The following WDR33 variants were observed in gnomAD, a reference collection of about 807,000 sequenced individuals.
The protein encoded by WDR33 is pre-mRNA 3' end processing protein WDR33.
In WDR33, 47 loss-of-function variants were observed where a neutral mutation model predicts 164.9. The ratio of observed to expected loss-of-function variants is 0.29; its 90% confidence interval spans 0.23 to 0.36. The LOEUF is 0.36. Ranked by LOEUF, WDR33 falls within the 10% of genes least tolerant of loss-of-function variation. The pLI, the probability that WDR33 is intolerant of heterozygous loss-of-function variation, is 1.00. For missense variants in WDR33, 1,137 were observed against 1,754.1 expected (o/e 0.65, Z 6.28); for synonymous variants, 505 against 589.0 (o/e 0.86, Z 2.06).
chr2:127,742,541 G>C (rs138749996), intron 7 of WDR33, among the ~76,000 whole-genome samples: 1,669 of 137,886 alleles, frequency 0.012, 42 homozygotes, highest in African/African-American at 0.045. Flanking sequence ...AAAAAAAAAA[G>C]GGAAGAAAAA....
Position 127,763,725 on chromosome 2 carries a change from T to G in WDR33, c.627-566A>C. On this transcript the variant is annotated intron_variant, in intron 6 of 21. Coordinates refer to ENST00000322313, the MANE Select transcript of WDR33 (RefSeq NM_018383.5). The surrounding 1 kb of genome is among the most constrained non-coding windows in gnomAD (Gnocchi z 4.5). ...AGCTATTCCATGAATGTTGCACCTT[T>G]GAGGAAAACTTTAAAATAAGGACAT... 1 of 985,572 alleles carries G rather than the reference T, an allele frequency of 1.0e-6. No homozygotes were observed. Among genetic ancestry groups the G allele is most frequent in the Non-Finnish European group, 1.2e-6 (1 of 830,042 alleles). 61.1% of individuals were successfully genotyped at this position (985,572 alleles called of 1,614,324 possible). A position where few individuals can be genotyped will look rare whatever the true frequency, so the allele number is the denominator to read the frequency against.
chr2:127,775,952 C>T (rs1215031647), intron 1 of WDR33, among the ~76,000 whole-genome samples: 1 of 152,148 alleles, frequency 6.6e-6, no homozygotes, highest in Non-Finnish European at 1.5e-5. Flanking sequence ...AATACAGTGA[C>T]CAGGCTCCAT....
intron 7 of WDR33, among the ~76,000 whole-genome samples, chr2:127,748,498 C>G (rs1278346054): frequency 6.6e-6 from 1 of 152,076 alleles, no homozygotes; most frequent in Non-Finnish European, 1.5e-5. Context: ...CTTTTAATGT[C>G]AAGACCATGG....
chr2:127,719,919 T>C lies in WDR33; in HGVS notation c.2106A>G (p.Gln702=). The change falls in exon 16 of 22, where the codon CAA becomes CAG. Residue 702 remains glutamine, a synonymous_variant. Transcript: ENST00000322313. The surrounding 1 kb of genome is among the most constrained non-coding windows in gnomAD (Gnocchi z 6.5). ...GTGGACCCTGAGGACCCATATGACC[T>C]TGAGGACCAGAACTACCTTGTGGTC... is the stretch of plus-strand genomic sequence containing the variant. The part of the protein sequence containing the change: ...PPGPQGSSGP[Q]GHMGPQGPPG... 1.2e-6 allele frequency: 2 copies of C among 1,613,920 alleles called. No homozygotes were observed. Among genetic ancestry groups the C allele is most frequent in the Non-Finnish European group, 1.7e-6 (2 of 1,179,960 alleles).
chr2:127,768,359 G>A (rs748186509), intron 3 of WDR33, 66 bp from the exon 4 acceptor site: 17 of 920,846 alleles, frequency 1.8e-5, no homozygotes, highest in African/African-American at 6.9e-5. Context: ...CCAGAAACAC[G>A]GCAAGGTAAT....
Position 127,702,756 on chromosome 2 carries a change from T to C in WDR33, c.*3567A>G, listed in dbSNP as rs531664739. 24 of 167,194 alleles carry C rather than the reference T, an allele frequency of 1.4e-4. No homozygotes were observed. The Admixed American group carries it at 1.5e-3, about 10-fold the overall frequency. The allele number at this position is 167,194 out of a possible 1,614,324, so 10.4% of individuals were successfully genotyped here. ...TCTTCAGTTAACAAAATCATAAATA[T>C]GGTGCCTTATAACATGAAAGGAAAA... On this transcript the variant is annotated 3_prime_UTR_variant, in exon 22 of 22. Transcript: ENST00000322313.
chr2:127,810,994 T>G lies in WDR33; in HGVS notation c.-24+18A>C, dbSNP rs1689633124. On this transcript the variant is annotated intron_variant, in intron 1 of 21. Coordinates refer to ENST00000322313, the MANE Select transcript of WDR33 (RefSeq NM_018383.5). ...TGCCTGCTGCAGGCGAGCAGTCCCG[T>G]GTCGCCGCCGCACTCACCGTCTGGC... 1 of 152,738 alleles carries G rather than the reference T, an allele frequency of 6.5e-6. No individual in the cohort carries two copies. Among genetic ancestry groups the G allele is most frequent in the Non-Finnish European group, 1.5e-5 (1 of 68,098 alleles). 9.5% of individuals were successfully genotyped at this position (152,738 alleles called of 1,614,324 possible).
At chr2:127,743,164 T>G (rs1001720873) in intron 7 of WDR33, among the ~76,000 whole-genome samples, 5 of 151,554 alleles carry the variant, frequency 3.3e-5, no homozygotes, top group Non-Finnish European at 7.4e-5. Flanking sequence ...TGGGAAAAAA[T>G]AAAAAAAGAG....
Position 127,702,300 on chromosome 2 carries a change from C to T in WDR33, c.*4023G>A, listed in dbSNP as rs1437022733. 3 of 1,003,098 alleles carry T rather than the reference C, an allele frequency of 3.0e-6. No homozygotes were observed. The highest frequency in any genetic ancestry group is 1.0e-4 in the South Asian group (2 of 19,784). 62.1% of individuals were successfully genotyped at this position (1,003,098 alleles called of 1,614,324 possible). A position where few individuals can be genotyped will look rare whatever the true frequency, so the allele number is the denominator to read the frequency against. On this transcript the variant is annotated 3_prime_UTR_variant, in exon 22 of 22. Transcript: ENST00000322313. The stretch of plus-strand genomic sequence containing the variant: ...GTGGCGAAGGCCCTGCCCTAACAGC[C>T]TGCGAGTCTAATCCGGGAGCGGCTG...
chr2:127,777,054 A>C (rs1280450905), intron 1 of WDR33, among the ~76,000 whole-genome samples: 1 of 152,234 alleles, frequency 6.6e-6, no homozygotes, highest in East Asian at 1.9e-4. Context: ...GAGTTTGGGA[A>C]AGGAGGGTGC....
At chr2:127,751,235 C>T (rs144899964) in intron 7 of WDR33, among the ~76,000 whole-genome samples, 10 of 152,074 alleles carry the variant, frequency 6.6e-5, no homozygotes, top group African/African-American at 2.2e-4. Context: ...GTGGCATGCA[C>T]CTGTAGCCCC....
chr2:127,753,958 C>G (rs1687444918), intron 7 of WDR33, among the ~76,000 whole-genome samples: 1 of 152,134 alleles, frequency 6.6e-6, no homozygotes, highest in Non-Finnish European at 1.5e-5. Context: ...ATGAAGAAAT[C>G]TTTGACTCCT....
At position 127,741,896 on chromosome 2, in the gene WDR33, A is replaced by T. The variant is rs1687026708; in HGVS notation, c.725-15119T>A. Reference sequence around the variant, plus strand: ...AGAAATTCTTGAAAAGTAAACATGCAGTTGATAAAAATAACACTTTCCGGC... The same window carrying T: ...AGAAATTCTTGAAAAGTAAACATGCTGTTGATAAAAATAACACTTTCCGGC... On this transcript the variant is annotated intron_variant, in intron 7 of 21. Coordinates refer to ENST00000322313, the MANE Select transcript of WDR33 (RefSeq NM_018383.5). This position sits in a 1 kb window ranked among gnomAD's most constrained non-coding sequence, Gnocchi z 4.1. 6.6e-6 allele frequency among the ~76,000 whole-genome samples: 1 copy of T among 152,206 alleles called. No individual in the cohort carries two copies. Among genetic ancestry groups the T allele is most frequent in the Non-Finnish European group, 1.5e-5 (1 of 68,028 alleles).
At position 127,701,679 on chromosome 2, in the gene WDR33, T is replaced by C; in HGVS notation, c.*4644A>G. The stretch of plus-strand genomic sequence containing the variant: ...GTGGCTGGGCCGCGCGGGCTTGCGC[T>C]GGACGTGGGCGCGGAGCCCTGCGGA... On this transcript the variant is annotated 3_prime_UTR_variant, in exon 22 of 22. Coordinates refer to ENST00000322313, the MANE Select transcript of WDR33 (RefSeq NM_018383.5). 2 of 1,298,664 alleles carry C rather than the reference T, an allele frequency of 1.5e-6. No individual in the cohort carries two copies. The highest frequency in any genetic ancestry group is 1.9e-6 in the Non-Finnish European group (2 of 1,029,022). 80.4% of individuals were successfully genotyped at this position (1,298,664 alleles called of 1,614,324 possible).
chr2:127,798,239 A>G (rs1209261358), intron 1 of WDR33, among the ~76,000 whole-genome samples: 1 of 151,426 alleles, frequency 6.6e-6, no homozygotes, highest in Admixed American at 6.6e-5. Flanking sequence ...ATGGTGGCAC[A>G]TGCCTGTAAT....
At chr2:127,801,810 G>A (rs1689259560) in intron 1 of WDR33, among the ~76,000 whole-genome samples, 1 of 152,136 alleles carries the variant, frequency 6.6e-6, no homozygotes, top group Non-Finnish European at 1.5e-5. Context: ...TTTGAACCCA[G>A]GAGACGGATG....
Position 127,720,247 on chromosome 2 carries a change from G to C in WDR33, c.1778C>G (p.Pro593Arg). The C allele has an allele frequency of 6.3e-7, 1 of 1,577,308 alleles. No individual in the cohort carries two copies. The highest frequency in any genetic ancestry group is 8.6e-7 in the Non-Finnish European group (1 of 1,161,024). Reference protein sequence around the residue: ...LGPQPFPGQGPMSQIPQGFQQ... With the variant: ...LGPQPFPGQGRMSQIPQGFQQ... ...AAAACCTTGAGGAATCTGAGACATT[G>C]GACCTTGTCCTGGAAAAGGCTGGGG... is the stretch of plus-strand genomic sequence containing the variant. The change falls in exon 16 of 22, where the codon CCA becomes CGA. Residue 593 changes from proline (P) to arginine (R), a missense_variant. Transcript: ENST00000322313. This position sits in a 1 kb window ranked among gnomAD's most constrained non-coding sequence, Gnocchi z 5.9.
intron 7 of WDR33, among the ~76,000 whole-genome samples, chr2:127,752,233 G>C (rs904525915): frequency 1.3e-5 from 2 of 152,194 alleles, no homozygotes; most frequent in South Asian, 4.1e-4. Flanking sequence ...TTGTGCTTAA[G>C]GTTGGTCAGC....
chr2:127,707,592 CAGCACACTGG>C (rs1342392861), intron 21 of WDR33, among the ~76,000 whole-genome samples: 6 of 152,208 alleles, frequency 3.9e-5, no homozygotes, highest in African/African-American at 1.2e-4. Flanking sequence ...GCCAAGGTCA[CAGCACACTGG>C]CTAGTAGTAC....
Sources: gnomAD v4.1 joint callset for allele counts (sites outside exome capture counted in the v4.1 genomes callset) on GRCh38, gnomAD v4.1.1 for gene constraint, Gnocchi (gnomAD v3.1) non-coding constraint, MANE v1.5 for transcripts, NCBI Gene and HGNC (gene_info 2026-07-23, HGNC 2026-07-21) for gene names.